Variants in KIDINS220 observed in about 807,000 individuals in gnomAD.
The protein encoded by KIDINS220 is kinase D interacting substrate 220, also known as kinase D-interacting substrate of 220 kDa.
In KIDINS220, 63 loss-of-function variants were observed where a neutral mutation model predicts 157.6. The ratio of observed to expected loss-of-function variants is 0.40; its 90% CI spans 0.33 to 0.49. The LOEUF (loss-of-function observed/expected upper bound fraction) is 0.49, where lower values mean the gene tolerates loss of function less well. Among genes scored for constraint, KIDINS220 ranks in the 20% least tolerant of loss-of-function variants. The pLI, the probability that KIDINS220 is intolerant of heterozygous loss-of-function variation, is 0.66. For synonymous variants in KIDINS220, 732 were observed against 783.6 expected, an observed-to-expected ratio of 0.93 and a Z score of 1.10; for missense variants, 1,772 against 2,171.2, an observed-to-expected ratio of 0.82 and a Z score of 3.65.
intron 22 of KIDINS220, among the ~76,000 whole-genome samples, chr2:8,756,323 G>A (rs1668005820): frequency 6.6e-6 from 1 of 152,108 alleles, no homozygotes; most frequent in Admixed American, 6.5e-5. Flanking sequence ...GTGTTGATCT[G>A]TATCCTGCAA....
At chr2:8,799,366 G>A (rs920071156) in intron 9 of KIDINS220, among the ~76,000 whole-genome samples, 5 of 151,722 alleles carry the variant, frequency 3.3e-5, no homozygotes, top group Non-Finnish European at 7.4e-5. Context: ...AAACTCCTGG[G>A]CTCAAGGGAT....
intron 22 of KIDINS220, chr2:8,757,467 T>C (rs1314452975): frequency 4.4e-6 from 6 of 1,362,838 alleles, no homozygotes; most frequent in Non-Finnish European, 5.7e-6. Context: ...TCCAAAGGGA[T>C]ATGTGAGGCC....
chr2:8,754,417 G>A (rs1667740202), intron 22 of KIDINS220, among the ~76,000 whole-genome samples: 1 of 152,160 alleles, frequency 6.6e-6, no homozygotes, highest in Non-Finnish European at 1.5e-5. Context: ...TTTTTCCAAA[G>A]GTTAGCATTT....
In KIDINS220 at chr2:8,751,455, C is replaced by G; in HGVS notation, c.3190+11G>C. ...TTTAGATGAAAAATTAAATTTACTA[C>G]TAATACCCACCTGCAATAATTTCCC... On this transcript the variant is annotated intron_variant, in intron 23 of 29. Coordinates refer to ENST00000256707, the MANE Select transcript of KIDINS220 (RefSeq NM_020738.4). 6.3e-7 allele frequency: 1 copy of G among 1,590,988 alleles called. No homozygotes were observed. Among genetic ancestry groups the G allele is most frequent in the Non-Finnish European group, 8.6e-7 (1 of 1,169,126 alleles).
chr2:8,785,900 A>G lies in KIDINS220; in HGVS notation c.2070T>C (p.Asn690=). ...CAGATGCGATTGATATGAGGACAGCATTTACAGTCAGATGCTTTGGGTCAA... is the reference window on the plus strand; with the variant it reads ...CAGATGCGATTGATATGAGGACAGCGTTTACAGTCAGATGCTTTGGGTCAA... The part of the protein sequence containing the change: ...FRVDPKHLTV[N]AVLISIASVV... Residue 690 remains asparagine, a synonymous_variant, in exon 17 of 30, where the codon AAT becomes AAC. Transcript: ENST00000256707. 6.2e-7 allele frequency: 1 copy of G among 1,614,226 alleles called. No individual in the cohort carries two copies. The highest frequency in any genetic ancestry group is 8.5e-7 in the Non-Finnish European group (1 of 1,180,034).
chr2:8,772,473 C>T (rs113874827), intron 21 of KIDINS220, among the ~76,000 whole-genome samples: 62 of 143,896 alleles, frequency 4.3e-4, no homozygotes, highest in African/African-American at 1.5e-3. Context: ...GAGACTATCT[C>T]GAAAAAAAAC....
At chr2:8,781,423 A>G (rs982282045) in intron 17 of KIDINS220, among the ~76,000 whole-genome samples, 1 of 151,828 alleles carries the variant, frequency 6.6e-6, no homozygotes, top group African/African-American at 2.4e-5. Flanking sequence ...TATAACTGAC[A>G]CCTACACTTA....
intron 6 of KIDINS220, among the ~76,000 whole-genome samples, chr2:8,807,434 C>T (rs1225247223): frequency 6.6e-6 from 1 of 152,164 alleles, no homozygotes; most frequent in Non-Finnish European, 1.5e-5. Context: ...TGGAAATACT[C>T]TATAATTCTG....
At position 8,730,046 on chromosome 2, in the gene KIDINS220, G is replaced by A. The variant is rs1469026310; in HGVS notation, c.*674C>T. ...AGAGTTTCCGACATATAAACCCACG[G>A]AGGTCACCAGCCCTCCCCGCATCTA... On this transcript the variant is annotated 3_prime_UTR_variant, in exon 30 of 30. Transcript: ENST00000256707. The A allele has an allele frequency of 4.1e-6, 4 of 985,338 alleles. No homozygotes were observed. Among genetic ancestry groups the A allele is most frequent in the Non-Finnish European group, 3.6e-6 (3 of 830,010 alleles). 61.0% of individuals were successfully genotyped at this position (985,338 alleles called of 1,614,324 possible).
chr2:8,766,825 A>T (rs1338314953), intron 22 of KIDINS220, among the ~76,000 whole-genome samples: 1 of 152,264 alleles, frequency 6.6e-6, no homozygotes, highest in Non-Finnish European at 1.5e-5. Context: ...AGTAGGCATG[A>T]TTTAAAGATA....
chr2:8,767,510 C>T (rs570717353), intron 22 of KIDINS220, among the ~76,000 whole-genome samples: 1 of 152,262 alleles, frequency 6.6e-6, no homozygotes, highest in South Asian at 2.1e-4. Context: ...TCTAAACTAA[C>T]TAATGTTAAA....
At chr2:8,775,514 A>G (rs557166822) in intron 21 of KIDINS220, among the ~76,000 whole-genome samples, 10 of 152,306 alleles carry the variant, frequency 6.6e-5, no homozygotes, top group Admixed American at 5.9e-4. Context: ...TGATCAACAC[A>G]CTGTCAAACA....
At chr2:8,764,752 A>G (rs1409646415) in intron 22 of KIDINS220, among the ~76,000 whole-genome samples, 13 of 152,168 alleles carry the variant, frequency 8.5e-5, no homozygotes, top group Non-Finnish European at 1.6e-4. Context: ...CACCTCCCCA[A>G]TTCATGCCTT....
At chr2:8,782,681 G>A (rs1200989145) in intron 17 of KIDINS220, among the ~76,000 whole-genome samples, 2 of 152,196 alleles carry the variant, frequency 1.3e-5, no homozygotes, top group Non-Finnish European at 2.9e-5. Context: ...TATGAAGTCA[G>A]CATCACCCTA....
At position 8,796,829 on chromosome 2, in the gene KIDINS220, T is replaced by C; in HGVS notation, c.1040A>G (p.Asn347Ser). 1 of 1,614,176 alleles carries C rather than the reference T, an allele frequency of 6.2e-7. No homozygotes were observed. Among genetic ancestry groups the C allele is most frequent in the Non-Finnish European group, 8.5e-7 (1 of 1,180,024 alleles). The change falls in exon 11 of 30, where the codon AAC (asparagine) becomes AGC (serine). Residue 347 changes from asparagine (N) to serine (S), a missense_variant. Physicochemically the swap from Asn to Ser is conservative, Grantham distance 46 (BLOSUM62 1). This residue lies in a region of KIDINS220 where 725 missense variants were observed against 1,017.1 expected (regional missense o/e 0.71). Transcript: ENST00000256707. ...TPLIKATKMR[N>S]IEVVELLLDK... is the part of the protein sequence containing the mutation. ...TAGCAGCAGCTCCACCACTTCAATG[T>C]TTCTCATCTTGGTAGCCTTTATAAG...
intron 27 of KIDINS220, among the ~76,000 whole-genome samples, 153 bp downstream of exon 27, chr2:8,736,715 A>C (rs1181114417): frequency 6.6e-6 from 1 of 152,226 alleles, no homozygotes; most frequent in Non-Finnish European, 1.5e-5. Flanking sequence ...TTTAGAATAC[A>C]AACTAGTAAG....
At position 8,818,694 on chromosome 2, in the gene KIDINS220, C is replaced by T. The variant is rs751695292; in HGVS notation, c.207+1G>A. ...GATGAGTAAATTATTTTAATATATACCAAATCTTCCAGATTGCAGTTAGCT... is the reference window on the plus strand; with the variant it reads ...GATGAGTAAATTATTTTAATATATATCAAATCTTCCAGATTGCAGTTAGCT... On this transcript the variant is annotated splice_donor_variant, in intron 3 of 29. Transcript: ENST00000256707. LOFTEE classifies it high-confidence loss of function. 2.0e-6 allele frequency: 3 copies of T among 1,520,732 alleles called. No individual in the cohort carries two copies. The highest frequency in any genetic ancestry group is 1.2e-5 in the South Asian group (1 of 86,884). 94.2% of individuals were successfully genotyped at this position (1,520,732 alleles called of 1,614,324 possible). A position where few individuals can be genotyped will look rare whatever the true frequency, so the allele number is the denominator to read the frequency against.
At chr2:8,758,149 C>A (rs1439609287) in intron 22 of KIDINS220, among the ~76,000 whole-genome samples, 1 of 152,226 alleles carries the variant, frequency 6.6e-6, no homozygotes, top group Non-Finnish European at 1.5e-5. Flanking sequence ...AGGCGTGAGC[C>A]ACTGCGCCCA....
intron 1 of KIDINS220, 112 bp downstream of exon 1, chr2:8,837,368 T>C (rs1474340800): frequency 1.3e-5 from 2 of 151,702 alleles, no homozygotes; most frequent in Non-Finnish European, 2.9e-5. Context: ...CGCGCACTCC[T>C]CGGCTGTCCC....
Sources: allele counts gnomAD v4.1 joint callset (sites outside exome capture counted in the v4.1 genomes callset), GRCh38; gene constraint gnomAD v4.1.1; regional missense constraint gnomAD v4.1.1; transcripts MANE v1.5; gene names NCBI Gene and HGNC (gene_info 2026-07-23, HGNC 2026-07-21).